PAMR1: variants seen among roughly 807,000 people sequenced by gnomAD.
The protein encoded by PAMR1 is inactive serine protease PAMR1.
A neutral mutation model predicts 81.8 loss-of-function variants in PAMR1; 88 were observed. The observed-to-expected ratio is 1.08, with a 90% CI of 0.91 to 1.28. The LOEUF (loss-of-function observed/expected upper bound fraction) is 1.28, where lower values mean the gene tolerates loss of function less well. Among genes scored for constraint, PAMR1 ranks in the 50% most tolerant of loss-of-function variants. The pLI is 0.00. For missense variants in PAMR1, 935 were observed against 919.7 expected, an observed-to-expected ratio of 1.02 and a Z score of -0.21; for synonymous variants, 336 against 345.3, an observed-to-expected ratio of 0.97 and a Z score of 0.30.
intron 9 of PAMR1, 39 bp downstream of exon 9, chr11:35,435,864 A>G (rs777574092): frequency 6.8e-7 from 1 of 1,462,394 alleles, no homozygotes; most frequent in South Asian, 1.1e-5. Context: ...GTCATGAAAG[A>G]TTGAGCATGC....
intron 6 of PAMR1, among the ~76,000 whole-genome samples, chr11:35,466,095 A>T (rs568389091): frequency 1.3e-5 from 2 of 151,192 alleles, no homozygotes; most frequent in East Asian, 1.9e-4. Context: ...TTATCAAAGT[A>T]TTGTGTAATT....
At chr11:35,522,114 G>C (rs1415819186) in intron 1 of PAMR1, among the ~76,000 whole-genome samples, 1 of 152,094 alleles carries the variant, frequency 6.6e-6, no homozygotes, top group East Asian at 1.9e-4. Context: ...AGTAGAGACA[G>C]GGTTTCACTG....
intron 1 of PAMR1, among the ~76,000 whole-genome samples, chr11:35,517,883 G>A (rs1851196842): frequency 6.6e-6 from 1 of 152,212 alleles, no homozygotes; most frequent in African/African-American, 2.4e-5. Flanking sequence ...CATGAATATG[G>A]ACATGGGAGC....
At chr11:35,521,102 A>G (rs1709081551) in intron 1 of PAMR1, among the ~76,000 whole-genome samples, 1 of 152,214 alleles carries the variant, frequency 6.6e-6, no homozygotes, top group East Asian at 1.9e-4. Flanking sequence ...ATTGACCCAG[A>G]TATAACACCC....
rs1590314459 is a variant in PAMR1, at chr11:35,436,335, A to G, written c.1101-200T>C. On this transcript the variant is annotated intron_variant, in intron 8 of 10. Transcript: ENST00000619888. ...CCCTCTGTCCCTCACTCCAGGATGG[A>G]GTGTAGTGATGCGATCTTGGCTCAC... is the stretch of plus-strand genomic sequence containing the variant. The G allele has an allele frequency of 2.6e-4, 142 of 549,980 alleles. 1 individual carries two copies. The South Asian group carries it at 3.2e-3, about 12-fold the overall frequency. The allele number at this position is 549,980 out of a possible 1,614,324, so 34.1% of individuals were successfully genotyped here. A position where few individuals can be genotyped will look rare whatever the true frequency, so the allele number is the denominator to read the frequency against.
rs147852757 is a variant in PAMR1, at chr11:35,476,492, T to G, written c.380-1748A>C. On this transcript the variant is annotated intron_variant, in intron 3 of 10. Transcript: ENST00000619888. ...GGCACTTCTCTCTCCTGCTGCCATG[T>G]GAAGAAGGACGCGTTTGCTTCCCCT... is the stretch of plus-strand genomic sequence containing the variant. Among the ~76,000 whole-genome samples, 824 of 152,286 alleles carry G rather than the reference T, an allele frequency of 5.4e-3. 12 individuals are homozygous for G. The highest frequency in any genetic ancestry group is 0.019 in the African/African-American group (792 of 41,564).
intron 6 of PAMR1, among the ~76,000 whole-genome samples, chr11:35,464,604 G>A (rs922238756): frequency 2.6e-5 from 4 of 152,158 alleles, no homozygotes; most frequent in Non-Finnish European, 4.4e-5. Context: ...AGTAGAGATG[G>A]AGAGCAAAAT....
Position 35,434,559 on chromosome 11 carries a change from A to G in PAMR1, c.1579T>C (p.Phe527Leu), listed in dbSNP as rs1450551167. ...TCATCCCGGTCATCATCCCGGTAGAATTTCCCCAAAACAACTTTCAGGTCT... is the reference window on the plus strand; with the variant it reads ...TCATCCCGGTCATCATCCCGGTAGAGTTTCCCCAAAACAACTTTCAGGTCT... Reference protein sequence around the residue: ...TADLKVVLGKFYRDDDRDEKT... With the variant: ...TADLKVVLGKLYRDDDRDEKT... Residue 527 changes from phenylalanine (F) to leucine (L), a missense_variant, in exon 10 of 11, where the codon TTC (phenylalanine) becomes CTC (leucine). Physicochemically the swap from Phe to Leu is conservative, Grantham distance 22 (BLOSUM62 0). Coordinates refer to ENST00000619888, the MANE Select transcript of PAMR1 (RefSeq NM_001001991.3). 3 of 1,613,878 alleles carry G rather than the reference A, an allele frequency of 1.9e-6. No homozygotes were observed. The highest frequency in any genetic ancestry group is 2.5e-6 in the Non-Finnish European group (3 of 1,180,000).
chr11:35,512,023 C>T (rs1245019656), intron 1 of PAMR1, among the ~76,000 whole-genome samples: 2 of 152,230 alleles, frequency 1.3e-5, no homozygotes, highest in African/African-American at 4.8e-5. Context: ...TCTTCTCCTT[C>T]CTTCTCACAG....
intron 6 of PAMR1, among the ~76,000 whole-genome samples, chr11:35,448,508 C>T (rs941152729): frequency 6.6e-6 from 1 of 152,172 alleles, no homozygotes; most frequent in Non-Finnish European, 1.5e-5. Flanking sequence ...ATGTTCCTCT[C>T]TAGACTGATT....
chr11:35,442,040 A>G (rs1856182399), intron 6 of PAMR1, among the ~76,000 whole-genome samples: 1 of 152,166 alleles, frequency 6.6e-6, no homozygotes, highest in African/African-American at 2.4e-5. Flanking sequence ...GTATACAAGG[A>G]TTATTGTTTT....
At chr11:35,451,917 T>A (rs1027109746) in intron 6 of PAMR1, 1 of 701,116 alleles carries the variant, frequency 1.4e-6, no homozygotes, top group Non-Finnish European at 2.6e-6. Flanking sequence ...CGCCTTGATC[T>A]TGGACTTCCC....
At chr11:35,441,407 A>ACATG in intron 7 of PAMR1, 74 bp downstream of exon 7, 1 of 1,065,436 alleles carries the variant, frequency 9.4e-7, no homozygotes, top group South Asian at 1.4e-5. Context: ...GGGCTTAAAA[A>ACATG]CATGCAAAGG....
intron 1 of PAMR1, among the ~76,000 whole-genome samples, chr11:35,509,730 GAATT>G (rs1386032523): frequency 6.6e-6 from 1 of 152,034 alleles, no homozygotes; most frequent in Non-Finnish European, 1.5e-5. Context: ...CTTTTTTAAA[GAATT>G]AATTCTGGGA....
rs1473026041 is a variant in PAMR1, at chr11:35,466,734, A to G, written c.820+1267T>C. On this transcript the variant is annotated intron_variant, in intron 6 of 10. Transcript: ENST00000619888. ...AGAGAGAGGCTCTATCTCAAAAAAA[A>G]AAAAAAAAAAAAAGGAAAACATTAG... is the stretch of plus-strand genomic sequence containing the variant. Among the ~76,000 whole-genome samples, 6 of 150,148 alleles carry G rather than the reference A, an allele frequency of 4.0e-5. No individual in the cohort carries two copies. In the East Asian group the frequency reaches 1.2e-3, roughly 29 times the overall value.
rs200826829 is a variant in PAMR1, at chr11:35,470,667, C to A, written c.646G>T (p.Val216Phe). 6.2e-7 allele frequency: 1 copy of A among 1,614,134 alleles called. No homozygotes were observed. The highest frequency in any genetic ancestry group is 2.2e-5 in the East Asian group (1 of 44,878). Reference sequence around the variant, plus strand: ...TTGGAGCCATCGGAGTGGAAGAGGACGTGGAGTGAGGATCCTATGCTCTGG... The same window carrying A: ...TTGGAGCCATCGGAGTGGAAGAGGAAGTGGAGTGAGGATCCTATGCTCTGG... Reference protein sequence around the residue: ...PIQSIGSSLHVLFHSDGSKNF... With the variant: ...PIQSIGSSLHFLFHSDGSKNF... The change falls in exon 5 of 11, where the codon GTC becomes TTC. Residue 216 changes from valine to phenylalanine, a missense_variant. By Grantham distance (50) the Val-to-Phe change is conservative. Coordinates refer to ENST00000619888, the MANE Select transcript of PAMR1 (RefSeq NM_001001991.3).
chr11:35,464,921 A>G (rs1281469472), intron 6 of PAMR1, among the ~76,000 whole-genome samples: 1 of 152,246 alleles, frequency 6.6e-6, no homozygotes, highest in Non-Finnish European at 1.5e-5. Context: ...GTACATCGGA[A>G]TTCTATTTGG....
chr11:35,466,059 T>G (rs1211025850), intron 6 of PAMR1, among the ~76,000 whole-genome samples: 1 of 150,678 alleles, frequency 6.6e-6, no homozygotes, highest in African/African-American at 2.5e-5. Context: ...GATGTTTTAC[T>G]TCTTTCCAAT....
At chr11:35,435,648 C>T (rs1856024753) in intron 9 of PAMR1, among the ~76,000 whole-genome samples, 1 of 152,066 alleles carries the variant, frequency 6.6e-6, no homozygotes. Flanking sequence ...CACTTGGTGA[C>T]TTAATGACCA....
Sources: gnomAD v4.1 joint callset for allele counts (sites outside exome capture counted in the v4.1 genomes callset) on GRCh38, gnomAD v4.1.1 for gene constraint, MANE v1.5 for transcripts, NCBI Gene and HGNC (gene_info 2026-07-23, HGNC 2026-07-21) for gene names.